Variants in LRRIQ1 observed in about 807,000 individuals in gnomAD.
LRRIQ1 encodes the protein leucine-rich repeat- and IQ domain-containing protein 1.
Under a neutral mutation model 211.9 loss-of-function variants are expected in LRRIQ1, and 210 were observed. The observed-to-expected ratio is 0.99, with a 90% confidence interval of 0.89 to 1.11. The LOEUF (loss-of-function observed/expected upper bound fraction) is 1.11, where lower values mean the gene tolerates loss of function less well. Among genes scored for constraint, LRRIQ1 ranks in the 50% most tolerant of loss-of-function variants. LRRIQ1 has a pLI of 0.00. For missense variants in LRRIQ1, 2,136 were observed against 1,939.5 expected (o/e 1.10, Z -1.90); for synonymous variants, 699 against 650.1 (o/e 1.08, Z -1.14).
intron 18 of LRRIQ1, among the ~76,000 whole-genome samples, chr12:85,135,411 C>G (rs780302653): frequency 1.3e-5 from 2 of 151,532 alleles, no homozygotes; most frequent in Non-Finnish European, 2.9e-5. Context: ...ATATTACTGG[C>G]CATTGGTAAA....
chr12:85,249,926 A>G (rs931626035), downstream of LRRIQ1, among the ~76,000 whole-genome samples: 1 of 151,944 alleles, frequency 6.6e-6, no homozygotes, highest in African/African-American at 2.4e-5. Flanking sequence ...ATCTCTCTTA[A>G]AAGCCCTAAA....
At position 85,079,911 on chromosome 12, in the gene LRRIQ1, A is replaced by G. The variant is rs868839633; in HGVS notation, c.2887+6813A>G. 1.4e-4 allele frequency among the ~76,000 whole-genome samples: 21 copies of G among 152,160 alleles called. 3 individuals are homozygous for G. In the Middle Eastern group the frequency reaches 0.037, roughly 271 times the overall value. On this transcript the variant is annotated intron_variant, in intron 11 of 26. Coordinates refer to ENST00000393217, the MANE Select transcript of LRRIQ1 (RefSeq NM_001079910.2). Reference sequence around the variant, plus strand: ...ATACCAATGGTAGTATTATTATGTAATAATATAGTATAAACTTTCCATTGC... The same window carrying G: ...ATACCAATGGTAGTATTATTATGTAGTAATATAGTATAAACTTTCCATTGC...
chr12:85,270,321 G>T, the LRRIQ1 span, among the ~76,000 whole-genome samples: 1 of 152,162 alleles, frequency 6.6e-6, no homozygotes, highest in Admixed American at 6.5e-5. Context: ...TAATGACAGA[G>T]TTAGGAGTAG....
chr12:85,157,763 A>G (rs573109661), intron 23 of LRRIQ1, among the ~76,000 whole-genome samples: 15 of 151,930 alleles, frequency 9.9e-5, no homozygotes, highest in Non-Finnish European at 1.5e-4. Context: ...GTGCTCAGAG[A>G]GAATGGGGTC....
intron 6 of LRRIQ1, among the ~76,000 whole-genome samples, chr12:85,051,172 CCTCTCT>C (rs148108462): frequency 8.8e-5 from 13 of 147,374 alleles, no homozygotes; most frequent in Non-Finnish European, 1.7e-4. Context: ...AGCACTTTCT[CCTCTCT>C]CTCTCTCTCT....
At chr12:85,228,050 A>T (rs1305597231) in intron 24 of LRRIQ1, among the ~76,000 whole-genome samples, 1 of 152,194 alleles carries the variant, frequency 6.6e-6, no homozygotes, top group Non-Finnish European at 1.5e-5. Flanking sequence ...TAAATATTAG[A>T]CCTAAAACCA....
intron 23 of LRRIQ1, among the ~76,000 whole-genome samples, chr12:85,154,662 A>T: frequency 6.6e-6 from 1 of 151,338 alleles, no homozygotes; most frequent in East Asian, 1.9e-4. Context: ...TAATCATTTT[A>T]GTGTAATTAC....
chr12:85,070,683 T>G (rs1445434098), intron 10 of LRRIQ1, among the ~76,000 whole-genome samples: 1 of 151,984 alleles, frequency 6.6e-6, no homozygotes, highest in African/African-American at 2.4e-5. Flanking sequence ...GTTGCTCTGT[T>G]ATTCGTTTTG....
chr12:85,127,809 G>T (rs756074250), intron 17 of LRRIQ1, 23 bp from the exon 18 acceptor site: 13 of 1,542,030 alleles, frequency 8.4e-6, no homozygotes, highest in African/African-American at 2.8e-5. Context: ...AAAAGTGTGT[G>T]TTTTTTTTTC....
At chr12:85,208,697 C>A (rs1219523255) in intron 24 of LRRIQ1, among the ~76,000 whole-genome samples, 1 of 152,042 alleles carries the variant, frequency 6.6e-6, no homozygotes, top group African/African-American at 2.4e-5. Flanking sequence ...ATTACAAACT[C>A]AATGGATGGA....
chr12:85,092,090 C>T (rs546209142), intron 11 of LRRIQ1, among the ~76,000 whole-genome samples: 8 of 152,244 alleles, frequency 5.3e-5, no homozygotes, highest in East Asian at 3.9e-4. Context: ...ACACTCCTTA[C>T]GATAATCTGG....
chr12:85,128,827 G>T (rs936882048), intron 18 of LRRIQ1, among the ~76,000 whole-genome samples: 2 of 152,126 alleles, frequency 1.3e-5, no homozygotes, highest in African/African-American at 4.8e-5. Context: ...TTTTTAAGCA[G>T]TATAAAACAT....
intron 11 of LRRIQ1, among the ~76,000 whole-genome samples, chr12:85,083,661 A>G (rs374368895): frequency 7.2e-5 from 11 of 152,106 alleles, no homozygotes; most frequent in African/African-American, 2.2e-4. Flanking sequence ...GATGGTCTCA[A>G]TCTCTTGACC....
chr12:85,118,954 C>T (rs1887782182), intron 15 of LRRIQ1, among the ~76,000 whole-genome samples: 1 of 152,046 alleles, frequency 6.6e-6, no homozygotes. Context: ...CACAACATTT[C>T]CTGCTATCAA....
intron 24 of LRRIQ1, among the ~76,000 whole-genome samples, chr12:85,183,060 T>A (rs1179067074): frequency 1.3e-5 from 2 of 152,146 alleles, no homozygotes; most frequent in African/African-American, 4.8e-5. Flanking sequence ...TATTATAAAA[T>A]AAAACTTAAA....
chr12:85,213,412 C>T (rs948338528), intron 24 of LRRIQ1, among the ~76,000 whole-genome samples: 4 of 151,884 alleles, frequency 2.6e-5, no homozygotes, highest in Admixed American at 6.6e-5. Context: ...ACATTTCTAT[C>T]ACGTCTATAT....
intron 11 of LRRIQ1, among the ~76,000 whole-genome samples, chr12:85,080,130 A>C (rs1884118838): frequency 6.6e-6 from 1 of 152,194 alleles, no homozygotes; most frequent in South Asian, 2.1e-4. Flanking sequence ...GTATAGACTT[A>C]CCATTTGTAT....
At chr12:85,114,382 A>G (rs1230146678) in intron 15 of LRRIQ1, among the ~76,000 whole-genome samples, 1 of 152,194 alleles carries the variant, frequency 6.6e-6, no homozygotes, top group Non-Finnish European at 1.5e-5. Context: ...GACATGAATT[A>G]TCTTGCTGAT....
downstream of LRRIQ1, among the ~76,000 whole-genome samples, chr12:85,266,011 A>G (rs747090743): frequency 2.2e-4 from 34 of 152,102 alleles, no homozygotes; most frequent in Admixed American, 5.9e-4. Context: ...ATATTATGAA[A>G]TAAAAAGTGG....
Sources: allele counts gnomAD v4.1 joint callset (sites outside exome capture counted in the v4.1 genomes callset), GRCh38; gene constraint gnomAD v4.1.1; transcripts MANE v1.5; gene names NCBI Gene and HGNC (gene_info 2026-07-23, HGNC 2026-07-21).